TAS2R14: variants seen among roughly 807,000 people sequenced by gnomAD.
TAS2R14 encodes taste receptor type 2 member 14.
For synonymous variants in TAS2R14, 131 were observed against 131.0 expected (o/e 1.00, Z 0.00); for missense variants, 383 against 372.0 (o/e 1.03, Z -0.24).
At chr12:10,938,384 C>T (rs746710545) in exon 1 of TAS2R14, 2 of 1,613,906 alleles carry the variant, frequency 1.2e-6, no homozygotes, top group Admixed American at 1.7e-5. Context: ...ACATGAGTGA[C>T]ATGAAGGATA....
At chr12:10,938,975 G>A in exon 1 of TAS2R14, 1 of 1,613,076 alleles carries the variant, frequency 6.2e-7, no homozygotes, top group Non-Finnish European at 8.5e-7. Flanking sequence ...CATTTTTTCA[G>A]TGGCAAATAA....
exon 1 of TAS2R14, chr12:10,938,122 G>A (rs1317380373): frequency 6.5e-6 from 4 of 620,152 alleles, no homozygotes; most frequent in East Asian, 2.8e-5. Context: ...TTTGTGATAT[G>A]TTTGGATGGT....
rs754771553 is a variant in TAS2R14, at chr12:10,938,328, C to G, written c.880G>C (p.Val294Leu). Residue 294 changes from valine to leucine, a missense_variant, in exon 1 of 1, where the codon GTG becomes CTG. Physicochemically the swap from Val to Leu is conservative, Grantham distance 32. Transcript: ENST00000537503. The stretch of plus-strand genomic sequence containing the variant: ...AACATGTACCTCAGCCACAGTAGCA[C>G]TGACAGAGAGGCCTGTCTCAGCTTC... 54 of 1,613,918 alleles carry G rather than the reference C, an allele frequency of 3.3e-5. No homozygotes were observed. Among genetic ancestry groups the G allele is most frequent in the Non-Finnish European group, 4.3e-5 (51 of 1,179,932 alleles).
chr12:10,938,513 C>T (rs146730084), exon 1 of TAS2R14: 2 of 1,613,912 alleles, frequency 1.2e-6, no homozygotes, highest in Non-Finnish European at 8.5e-7. Context: ...AGTGATCACA[C>T]TTTTAACTCC....
At chr12:10,937,820 A>G (rs1046359178) in exon 1 of TAS2R14, 2 of 153,370 alleles carry the variant, frequency 1.3e-5, no homozygotes, top group Non-Finnish European at 2.9e-5. Context: ...CTAATCAGGT[A>G]CTAAATATTA....
exon 1 of TAS2R14, chr12:10,937,947 C>G: frequency 4.5e-6 from 1 of 220,546 alleles, no homozygotes; most frequent in Non-Finnish European, 8.8e-6. Context: ...GTGTCACATA[C>G]ATACATACAC....
exon 1 of TAS2R14, chr12:10,938,483 A>G (rs1950329243): frequency 6.2e-7 from 1 of 1,613,958 alleles, no homozygotes; most frequent in Non-Finnish European, 8.5e-7. Flanking sequence ...CAGAGAGAAA[A>G]TGGCATAGAG....
chr12:10,937,448 G>A (rs1950307085), exon 1 of TAS2R14: 1 of 151,818 alleles, frequency 6.6e-6, no homozygotes, highest in Non-Finnish European at 1.5e-5. Context: ...ACTATACACA[G>A]GAAGATAGGA....
chr12:10,938,940 T>C (rs762549001), exon 1 of TAS2R14: 4 of 1,613,786 alleles, frequency 2.5e-6, no homozygotes, highest in Admixed American at 3.3e-5. Flanking sequence ...TTGATCACTG[T>C]CCAGATATTA....
chr12:10,939,260 T>C, exon 1 of TAS2R14: 1 of 1,014,074 alleles, frequency 9.9e-7, no homozygotes, highest in Non-Finnish European at 1.4e-6. Context: ...GACTTCTTAA[T>C]GCATTCATCT....
exon 1 of TAS2R14, chr12:10,937,857 G>A (rs1228858850): frequency 1.3e-5 from 2 of 156,852 alleles, no homozygotes; most frequent in East Asian, 3.7e-4. Context: ...ACTTAATATA[G>A]GTACTAAAAT....
chr12:10,937,618 T>C (rs1950310231), exon 1 of TAS2R14: 1 of 152,170 alleles, frequency 6.6e-6, no homozygotes, highest in Non-Finnish European at 1.5e-5. Flanking sequence ...CATTTCATTA[T>C]ACAACTGATA....
chr12:10,938,194 G>T, exon 1 of TAS2R14: 1 of 1,128,516 alleles, frequency 8.9e-7, no homozygotes, highest in Non-Finnish European at 1.3e-6. Context: ...GAATCTTAAG[G>T]AAGTATAAAT....
rs368781818 is a variant in TAS2R14, at chr12:10,938,976, T to C, written c.232A>G (p.Thr78Ala). Residue 78 changes from threonine (T) to alanine (A), a missense_variant, in exon 1 of 1, where the codon ACT becomes GCT. Transcript: ENST00000537503. Reference sequence around the variant, plus strand: ...GTAAGCATTCTGAACATTTTTTCAGTGGCAAATAAAGCTGGGAAAAACACA... The same window carrying C: ...GTAAGCATTCTGAACATTTTTTCAGCGGCAAATAAAGCTGGGAAAAACACA... The C allele has an allele frequency of 8.1e-6, 13 of 1,613,244 alleles. No individual in the cohort carries two copies. The highest frequency in any genetic ancestry group is 1.3e-5 in the African/African-American group (1 of 74,872).
chr12:10,938,121 T>C (rs988853967), exon 1 of TAS2R14: 20 of 610,902 alleles, frequency 3.3e-5, no homozygotes, highest in Middle Eastern at 4.4e-4. Context: ...ATTTGTGATA[T>C]GTTTGGATGG....
At chr12:10,937,523 G>A (rs1374626713) in exon 1 of TAS2R14, 2 of 151,940 alleles carry the variant, frequency 1.3e-5, no homozygotes, top group Middle Eastern at 3.2e-3. Context: ...TCAGTATTAC[G>A]TTTATTGTTA....
exon 1 of TAS2R14, chr12:10,939,247 G>A: frequency 8.3e-7 from 1 of 1,209,446 alleles, no homozygotes; most frequent in Non-Finnish European, 1.2e-6. Flanking sequence ...TATCACTGCT[G>A]AAGACTTCTT....
exon 1 of TAS2R14, chr12:10,939,072 G>A (rs948987950): frequency 1.2e-6 from 2 of 1,613,962 alleles, no homozygotes; most frequent in African/African-American, 1.3e-5. Flanking sequence ...GTGAGGATCC[G>A]ATCAACCGAA....
At chr12:10,938,844 G>A in exon 1 of TAS2R14, 1 of 1,613,544 alleles carries the variant, frequency 6.2e-7, no homozygotes, top group Non-Finnish European at 8.5e-7. Flanking sequence ...CTCCACTTTA[G>A]GTAGAGAAAA....
Sources: gnomAD v4.1 joint callset for allele counts on GRCh38, gnomAD v4.1.1 for gene constraint, MANE v1.5 for transcripts, NCBI Gene and HGNC (gene_info 2026-07-23, HGNC 2026-07-21) for gene names.